The following GALNT14 variants were observed in gnomAD, a reference collection of about 807,000 sequenced individuals.
The protein encoded by GALNT14 is polypeptide N-acetylgalactosaminyltransferase 14, also known as UDP-GalNAc:polypeptide N-acetylgalactosaminyltransferase 14.
GALNT14 carries 60 observed loss-of-function variants against 77.5 expected under a neutral mutation model. That is an observed-to-expected ratio of 0.77 (90% CI 0.63 to 0.96). The LOEUF is 0.96. Among genes scored for constraint, GALNT14 ranks in the 40% least tolerant of loss-of-function variants. The probability of loss-of-function intolerance (pLI) is 0.00; values close to 1 mark genes in which losing one functional copy is unlikely to be tolerated. For missense variants in GALNT14, 710 were observed against 731.0 expected (o/e 0.97, Z 0.33); for synonymous variants, 280 against 281.7 (o/e 0.99, Z 0.06).
chr2:30,955,889 C>A, intron 5 of GALNT14, 23 bp downstream of exon 5: 9 of 1,613,510 alleles, frequency 5.6e-6, no homozygotes, highest in Non-Finnish European at 7.6e-6. Context: ...ACTGGAGGCT[C>A]CCGCACAACA....
At chr2:31,008,341 C>T (rs1276990393) in intron 1 of GALNT14, among the ~76,000 whole-genome samples, 2 of 152,170 alleles carry the variant, frequency 1.3e-5, no homozygotes, top group Non-Finnish European at 2.9e-5. Context: ...AAGCAATCCT[C>T]CCATCTTAGC....
At chr2:31,126,616 G>T (rs13427860) in intron 1 of GALNT14, 13,910 of 152,146 alleles carry the variant, frequency 0.091, 1,096 homozygotes, top group African/African-American at 0.21. Flanking sequence ...AACAAGAAGC[G>T]AGTGTTCTAC....
In GALNT14 at chr2:31,067,241, C is replaced by T. The variant is rs552897181; in HGVS notation, c.129+70717G>A. ...CCATAGTCAGTCTCAGTGCTCTGTG[C>T]TGCAGAGAGGAATGGCAGCAGGAAC... On this transcript the variant is annotated intron_variant, in intron 1 of 14. Transcript: ENST00000349752. 9.2e-5 allele frequency among the ~76,000 whole-genome samples: 14 copies of T among 152,282 alleles called. 1 individual carries two copies. The South Asian group carries it at 2.9e-3, about 32-fold the overall frequency.
chr2:30,997,845 T>C (rs1220491468), intron 1 of GALNT14, among the ~76,000 whole-genome samples: 4 of 152,254 alleles, frequency 2.6e-5, no homozygotes, highest in East Asian at 3.8e-4. Flanking sequence ...TAAAAGTCTC[T>C]GTTCTGGCTA....
At chr2:31,118,762 A>G (rs1573374363) in intron 1 of GALNT14, among the ~76,000 whole-genome samples, 1 of 152,184 alleles carries the variant, frequency 6.6e-6, no homozygotes, top group African/African-American at 2.4e-5. Flanking sequence ...AATTTTACTT[A>G]TTTTGATAAT....
intron 1 of GALNT14, among the ~76,000 whole-genome samples, chr2:31,028,020 T>C (rs1305534865): frequency 6.6e-6 from 1 of 152,102 alleles, no homozygotes; most frequent in Non-Finnish European, 1.5e-5. Context: ...GCATATGTAG[T>C]GAGGTGTATA....
the GALNT14 span, among the ~76,000 whole-genome samples, chr2:30,897,687 CA>C: frequency 6.6e-6 from 1 of 152,202 alleles, no homozygotes; most frequent in East Asian, 1.9e-4. Flanking sequence ...AGCTTCTCCA[CA>C]GGGCTCAGCA....
At chr2:30,971,448 C>A (rs572927908) in intron 2 of GALNT14, among the ~76,000 whole-genome samples, 1 of 152,186 alleles carries the variant, frequency 6.6e-6, no homozygotes. Context: ...AAACAGAATC[C>A]CGGGATCTCT....
intron 1 of GALNT14, chr2:31,078,930 T>C (rs1675983912): frequency 2.3e-6 from 3 of 1,289,134 alleles, no homozygotes; most frequent in Admixed American, 2.3e-5. Flanking sequence ...CAGTTCTGAC[T>C]CACTGGACAC....
chr2:31,123,364 T>C (rs1006253224), intron 1 of GALNT14, among the ~76,000 whole-genome samples: 4 of 152,146 alleles, frequency 2.6e-5, no homozygotes, highest in African/African-American at 7.2e-5. Flanking sequence ...GGGGTTGCAG[T>C]TGATCCATAG....
In GALNT14 at chr2:31,061,574, A is replaced by C. The variant is rs114683547; in HGVS notation, c.130-68567T>G. ...TGAACAATGACCATAAATTTTGTGG[A>C]AACAAACTCATCATCCTGTAGCTCA... is the stretch of plus-strand genomic sequence containing the variant. On this transcript the variant is annotated intron_variant, in intron 1 of 14. Transcript: ENST00000349752. Among the ~76,000 whole-genome samples the C allele has an allele frequency of 1.3e-3, 200 of 152,254 alleles. 1 individual carries two copies. Among genetic ancestry groups the C allele is most frequent in the African/African-American group, 3.9e-3 (162 of 41,544 alleles).
chr2:30,987,219 G>T (rs2194460), intron 2 of GALNT14, among the ~76,000 whole-genome samples: 96,857 of 151,426 alleles, frequency 0.64, 31,277 homozygotes, highest in Middle Eastern at 0.77. Context: ...GCTGACGACA[G>T]AGGTTTCCAT....
At chr2:30,944,170 A>G (rs116637181) in intron 8 of GALNT14, among the ~76,000 whole-genome samples, 1 of 152,108 alleles carries the variant, frequency 6.6e-6, no homozygotes, top group Non-Finnish European at 1.5e-5. Flanking sequence ...AGTAGGTAGG[A>G]CACCAAGACC....
intron 1 of GALNT14, among the ~76,000 whole-genome samples, chr2:31,056,984 A>G (rs116117259): frequency 7.5e-4 from 114 of 152,268 alleles, no homozygotes; most frequent in African/African-American, 2.7e-3. Flanking sequence ...TTGCAGCCAC[A>G]TGGGTGCAGC....
intron 1 of GALNT14, among the ~76,000 whole-genome samples, chr2:31,067,378 G>C (rs188209899): frequency 4.6e-5 from 7 of 152,246 alleles, no homozygotes; most frequent in African/African-American, 1.7e-4. Flanking sequence ...TGAGAGTCTG[G>C]GAATGCCGTG....
chr2:31,052,199 T>C (rs9308915), intron 1 of GALNT14, among the ~76,000 whole-genome samples: 8,446 of 152,134 alleles, frequency 0.056, 736 homozygotes, highest in African/African-American at 0.19. Context: ...CCGTGGACTC[T>C]AAGCTGACCT....
chr2:31,072,884 T>C (rs1675506580), intron 1 of GALNT14, among the ~76,000 whole-genome samples: 1 of 152,202 alleles, frequency 6.6e-6, no homozygotes, highest in Admixed American at 6.5e-5. Context: ...GCCCTGCATT[T>C]TTTACACATA....
intron 1 of GALNT14, among the ~76,000 whole-genome samples, chr2:31,088,464 T>G (rs1438387023): frequency 6.6e-6 from 1 of 152,130 alleles, no homozygotes; most frequent in African/African-American, 2.4e-5. Flanking sequence ...CGTCTCGTGG[T>G]CCTTCCTTTC....
intron 13 of GALNT14, among the ~76,000 whole-genome samples, chr2:30,914,309 A>G (rs1044370068): frequency 6.6e-5 from 10 of 152,188 alleles, no homozygotes; most frequent in African/African-American, 2.4e-4. Context: ...CTGGAGAGTT[A>G]GGGCCGGCTC....
Sources: allele counts gnomAD v4.1 joint callset (sites outside exome capture counted in the v4.1 genomes callset), GRCh38; gene constraint gnomAD v4.1.1; transcripts MANE v1.5; gene names NCBI Gene and HGNC (gene_info 2026-07-23, HGNC 2026-07-21).